The following KIAA1671 variants were observed in gnomAD, a reference collection of about 807,000 sequenced individuals.
KIAA1671 encodes the protein KIAA1671.
Under a neutral mutation model 131.2 loss-of-function variants are expected in KIAA1671, and 52 were observed. The observed-to-expected ratio is 0.40, with a 90% confidence interval of 0.32 to 0.50. The LOEUF (loss-of-function observed/expected upper bound fraction) is 0.50, where lower values mean the gene tolerates loss of function less well. Ranked by LOEUF, KIAA1671 falls within the 20% of genes least tolerant of loss-of-function variation. KIAA1671 has a pLI of 0.73. For synonymous variants in KIAA1671, 1,003 were observed against 961.6 expected, an observed-to-expected ratio of 1.04 and a Z score of -0.80; for missense variants, 2,360 against 2,364.2, an observed-to-expected ratio of 1.00 and a Z score of 0.04.
chr22:25,035,500 C>A (rs1926540639), intron 4 of KIAA1671, among the ~76,000 whole-genome samples: 1 of 152,144 alleles, frequency 6.6e-6, no homozygotes, highest in Non-Finnish European at 1.5e-5. Context: ...CTCAGTACAT[C>A]ACCAACAAAA....
At chr22:25,025,245 C>A (rs1925880244) in intron 1 of KIAA1671, among the ~76,000 whole-genome samples, 1 of 137,530 alleles carries the variant, frequency 7.3e-6, no homozygotes, top group Admixed American at 7.6e-5. Flanking sequence ...TCTAGGCAAT[C>A]AGTCCTATTT....
Position 25,083,285 on chromosome 22 carries a change from T to G in KIAA1671, c.4530+33921T>G, listed in dbSNP as rs535127218. ...TGGGCTCCTGTCTGTGTTTCCAGAT[T>G]TCCTCTAATGACGTTAACAGTCAGA... On this transcript the variant is annotated intron_variant, in intron 6 of 12. Coordinates refer to ENST00000358431, the MANE Select transcript of KIAA1671 (RefSeq NM_001145206.2). Among the ~76,000 whole-genome samples the G allele has an allele frequency of 2.6e-5, 4 of 152,328 alleles. No homozygotes were observed. The South Asian group carries it at 8.3e-4, about 32-fold the overall frequency.
chr22:25,192,110 A>C (rs1934688648), intron 12 of KIAA1671, among the ~76,000 whole-genome samples: 2 of 152,292 alleles, frequency 1.3e-5, no homozygotes, highest in Middle Eastern at 3.4e-3. Context: ...TGTTTGGTGC[A>C]GTACATGTAA....
At chr22:25,034,546 T>C (rs1250573284) in intron 4 of KIAA1671, among the ~76,000 whole-genome samples, 1 of 152,100 alleles carries the variant, frequency 6.6e-6, no homozygotes, top group Non-Finnish European at 1.5e-5. Context: ...TTCATTCCTT[T>C]CTGTTGCTGA....
chr22:25,067,603 C>T (rs1428406673), intron 6 of KIAA1671, among the ~76,000 whole-genome samples: 2 of 152,084 alleles, frequency 1.3e-5, no homozygotes, highest in Non-Finnish European at 2.9e-5. Flanking sequence ...CTCCTTCCTC[C>T]CACCTTCCTC....
At chr22:25,068,716 G>A (rs1286144407) in intron 6 of KIAA1671, among the ~76,000 whole-genome samples, 10 of 152,166 alleles carry the variant, frequency 6.6e-5, no homozygotes, top group Non-Finnish European at 1.3e-4. Context: ...GATTACAGGC[G>A]TGAGCCACCG....
intron 6 of KIAA1671, chr22:25,055,734 T>C (rs1390209345): frequency 1.3e-5 from 2 of 149,828 alleles, no homozygotes; most frequent in African/African-American, 4.9e-5. Flanking sequence ...TTGAATCAGA[T>C]TGTTTTTTCT....
chr22:24,992,555 C>A (rs1273185410), intron 1 of KIAA1671, among the ~76,000 whole-genome samples: 1 of 152,226 alleles, frequency 6.6e-6, no homozygotes, highest in East Asian at 1.9e-4. Flanking sequence ...TGGCTCACTC[C>A]TGTAATCCCA....
chr22:25,078,382 A>G (rs953570643), intron 6 of KIAA1671, among the ~76,000 whole-genome samples: 1 of 152,160 alleles, frequency 6.6e-6, no homozygotes, highest in African/African-American at 2.4e-5. Flanking sequence ...TTTTTTGAAT[A>G]GCCAAGTATA....
At chr22:25,167,267 C>T (rs750825298) in intron 6 of KIAA1671, among the ~76,000 whole-genome samples, 5 of 152,208 alleles carry the variant, frequency 3.3e-5, no homozygotes, top group Non-Finnish European at 5.9e-5. Flanking sequence ...TAGGCAGCCT[C>T]TTCCAAAGCT....
At chr22:25,007,244 T>C (rs965449237) in intron 1 of KIAA1671, among the ~76,000 whole-genome samples, 1 of 152,012 alleles carries the variant, frequency 6.6e-6, no homozygotes, top group African/African-American at 2.4e-5. Flanking sequence ...TCCCAGCACT[T>C]TGGGAGGCCG....
intron 11 of KIAA1671, among the ~76,000 whole-genome samples, chr22:25,190,413 C>T (rs1012126550): frequency 3.3e-5 from 5 of 152,254 alleles, no homozygotes; most frequent in African/African-American, 1.2e-4. Flanking sequence ...GCCCACCACT[C>T]ACCACCTGCT....
At position 25,040,030 on chromosome 22, in the gene KIAA1671, A is replaced by C; in HGVS notation, c.2900A>C (p.Glu967Ala). The C allele has an allele frequency of 6.4e-7, 1 of 1,551,706 alleles. No individual in the cohort carries two copies. The highest frequency in any genetic ancestry group is 8.7e-7 in the Non-Finnish European group (1 of 1,146,996). Residue 967 changes from glutamate to alanine, a missense_variant, in exon 5 of 13, where the codon GAG becomes GCG. Physicochemically the swap from Glu to Ala is moderately radical, Grantham distance 107. Transcript: ENST00000358431. ...KFDTFSSLVP[E>A]DSPHVGHRRT... ...GATACATTCAGTTCTCTTGTCCCAG[A>C]GGACTCTCCACATGTGGGGCACAGA...
Position 25,184,961 on chromosome 22 carries a change from T to C in KIAA1671, c.5200-16T>C, listed in dbSNP as rs1328375131. ...ACAAAGGGCAGCTTATAGACTCAGC[T>C]CTCTTTTCTCCCCAGGCTCAGCTGC... On this transcript the variant is annotated splice_polypyrimidine_tract_variant and intron_variant, in intron 10 of 12. Transcript: ENST00000358431. 6.4e-7 allele frequency: 1 copy of C among 1,550,904 alleles called. No homozygotes were observed. Among genetic ancestry groups the C allele is most frequent in the Non-Finnish European group, 8.7e-7 (1 of 1,147,000 alleles).
chr22:24,974,996 G>T, intron 1 of KIAA1671, among the ~76,000 whole-genome samples: 1 of 151,568 alleles, frequency 6.6e-6, no homozygotes, highest in East Asian at 2.0e-4. Context: ...ATCCAGCCCA[G>T]CCCAGCTCAC....
At chr22:25,002,129 G>T (rs1341264938) in intron 1 of KIAA1671, among the ~76,000 whole-genome samples, 1 of 152,254 alleles carries the variant, frequency 6.6e-6, no homozygotes, top group Admixed American at 6.5e-5. Flanking sequence ...AAACGAGCAG[G>T]CTTGCCTTAT....
intron 1 of KIAA1671, among the ~76,000 whole-genome samples, chr22:24,992,250 C>A (rs1182435008): frequency 6.6e-6 from 1 of 152,178 alleles, no homozygotes; most frequent in African/African-American, 2.4e-5. Flanking sequence ...ATGCCTAGGG[C>A]TCTGGCAGGA....
chr22:24,993,996 G>A (rs559359949), intron 1 of KIAA1671, among the ~76,000 whole-genome samples: 7 of 151,918 alleles, frequency 4.6e-5, no homozygotes, highest in African/African-American at 1.7e-4. Context: ...CAGGAGAATC[G>A]CTTGAACCCA....
chr22:25,089,054 C>G (rs1929883665), intron 6 of KIAA1671, among the ~76,000 whole-genome samples: 1 of 152,124 alleles, frequency 6.6e-6, no homozygotes, highest in Non-Finnish European at 1.5e-5. Context: ...CTAAACAATA[C>G]AGCATAACAG....
Sources: allele counts gnomAD v4.1 joint callset (sites outside exome capture counted in the v4.1 genomes callset), GRCh38; gene constraint gnomAD v4.1.1; transcripts MANE v1.5; gene names NCBI Gene and HGNC (gene_info 2026-07-23, HGNC 2026-07-21).